PTCH2: variants seen among roughly 807,000 people sequenced by gnomAD.
PTCH2 encodes patched 2.
PTCH2 carries 96 observed loss-of-function variants against 117.9 expected under a neutral mutation model. That is an observed-to-expected ratio of 0.81 (90% confidence interval 0.69 to 0.96). The LOEUF (loss-of-function observed/expected upper bound fraction) is 0.96, where lower values mean the gene tolerates loss of function less well. Among genes scored for constraint, PTCH2 ranks in the 50% least tolerant of loss-of-function variants. PTCH2 has a pLI of 0.00. For missense variants in PTCH2, 1,379 were observed against 1,562.5 expected, an observed-to-expected ratio of 0.88 and a Z score of 1.98; for synonymous variants, 615 against 660.9, an observed-to-expected ratio of 0.93 and a Z score of 1.06.
chr1:44,821,967 TA>T lies in PTCH2; in HGVS notation c.*447del, dbSNP rs1046336336. The T allele has an allele frequency of 7.6e-7, 1 of 1,312,748 alleles. No individual in the cohort carries two copies. The highest frequency in any genetic ancestry group is 1.0e-6 in the Non-Finnish European group (1 of 998,160). 81.3% of individuals were successfully genotyped at this position (1,312,748 alleles called of 1,614,324 possible). On this transcript the variant is annotated 3_prime_UTR_variant, in exon 22 of 22. Transcript: ENST00000372192. ...TTCACATAGAATATATTTCATTCTT[TA>T]AAAAATAAAACTTTCATCATAGCTA...
chr1:44,837,454 A>T (rs1380438878), intron 2 of PTCH2, among the ~76,000 whole-genome samples: 2 of 152,190 alleles, frequency 1.3e-5, no homozygotes, highest in Non-Finnish European at 2.9e-5. Context: ...AGGTTTTGCC[A>T]TGTTGGCCAG....
Position 44,827,402 on chromosome 1 carries a change from C to T in PTCH2, c.2371G>A (p.Gly791Arg), listed in dbSNP as rs1250007202. The change falls in exon 15 of 22, where the codon GGA becomes AGA. Residue 791 changes from glycine (G) to arginine (R), a missense_variant and splice_region_variant. Transcript: ENST00000372192. ...CCCTGCCCGTCTCCTCGCCTCTCAC[C>T]CTGTAGCCAGTTGCGGTAATAGTGC... ...WLHYYRNWLQ[G>R]IQAAFDQDWA... 1.2e-6 allele frequency: 2 copies of T among 1,614,018 alleles called. No individual in the cohort carries two copies. Among genetic ancestry groups the T allele is most frequent in the Non-Finnish European group, 1.7e-6 (2 of 1,179,998 alleles).
chr1:44,832,370 G>A, intron 2 of PTCH2, 29 bp from the exon 3 acceptor site: 2 of 1,612,780 alleles, frequency 1.2e-6, no homozygotes, highest in Non-Finnish European at 8.5e-7. Flanking sequence ...AAAGCTGGGG[G>A]GGAAAGGGCC....
Sources: gnomAD v4.1 joint callset for allele counts (sites outside exome capture counted in the v4.1 genomes callset) on GRCh38, gnomAD v4.1.1 for gene constraint, MANE v1.5 for transcripts, NCBI Gene and HGNC (gene_info 2026-07-23, HGNC 2026-07-21) for gene names.